The following FOXB1 variants were observed in gnomAD, a reference collection of about 807,000 sequenced individuals.
FOXB1 encodes the protein forkhead box B1, also known as forkhead box protein B1.
Under a neutral mutation model 18.6 loss-of-function variants are expected in FOXB1, and 6 were observed. The observed-to-expected ratio is 0.32, with a 90% CI of 0.18 to 0.64. The LOEUF (loss-of-function observed/expected upper bound fraction) is 0.64, where lower values mean the gene tolerates loss of function less well. FOXB1 is among the 30% of genes least tolerant of loss of function. FOXB1 has a pLI of 0.78. For synonymous variants in FOXB1, 213 were observed against 216.0 expected (o/e 0.99, Z 0.12); for missense variants, 419 against 463.6 (o/e 0.90, Z 0.88).
intron 1 of FOXB1, 105 bp from the exon 2 acceptor site, chr15:60,004,802 C>CGGGGGGGGGGGGG: frequency 5.9e-6 from 2 of 337,666 alleles, no homozygotes; most frequent in Non-Finnish European, 1.1e-5. Context: ...TCGAGCGCCG[C>CGGGGGGGGGGGGG]AGGCCCCACC....
In FOXB1 at chr15:60,005,054, G is replaced by A. The variant is rs1177804890; in HGVS notation, c.91G>A (p.Glu31Lys). The A allele has an allele frequency of 1.2e-6, 2 of 1,606,680 alleles. No homozygotes were observed. The highest frequency in any genetic ancestry group is 1.7e-6 in the Non-Finnish European group (2 of 1,177,054). The change falls in exon 2 of 2, where the codon GAG (glutamate) becomes AAG (lysine). Residue 31 changes from glutamate to lysine, a missense_variant. Transcript: ENST00000396057. The surrounding 1 kb of genome is among the most constrained non-coding windows in gnomAD (Gnocchi z 9.8). ...LTAMAIQSSP[E>K]KMLPLSEIYK... ...CGCTATGGCCATCCAGAGCTCTCCC[G>A]AGAAGATGCTGCCGCTGAGCGAGAT...
Position 60,006,096 on chromosome 15 carries a change from G to T in FOXB1, c.*155G>T. ...CCTTGCCCCAAGAGAACTTTGTTTTGGACCCAGGAGACCAAACACAAACTT... is the reference window on the plus strand; with the variant it reads ...CCTTGCCCCAAGAGAACTTTGTTTTTGACCCAGGAGACCAAACACAAACTT... On this transcript the variant is annotated 3_prime_UTR_variant, in exon 2 of 2. Coordinates refer to ENST00000396057, the MANE Select transcript of FOXB1 (RefSeq NM_012182.3). 1 of 984,662 alleles carries T rather than the reference G, an allele frequency of 1.0e-6. No individual in the cohort carries two copies. The highest frequency in any genetic ancestry group is 1.8e-5 in the South Asian group (1 of 56,826). 61.0% of individuals were successfully genotyped at this position (984,662 alleles called of 1,614,324 possible). A position where few individuals can be genotyped will look rare whatever the true frequency, so the allele number is the denominator to read the frequency against.
rs775466207 is a variant in FOXB1, at chr15:60,005,029, C to T, written c.66C>T (p.Thr22=). ...CGCCCTACTCGTACATCTCGCTGAC[C>T]GCTATGGCCATCCAGAGCTCTCCCG... ...QKPPYSYISL[T]AMAIQSSPEK... Residue 22 remains threonine, a synonymous_variant, in exon 2 of 2, where the codon ACC becomes ACT. Transcript: ENST00000396057. The surrounding 1 kb of genome is among the most constrained non-coding windows in gnomAD (Gnocchi z 9.8). 10 of 1,614,010 alleles carry T rather than the reference C, an allele frequency of 6.2e-6. No individual in the cohort carries two copies. The highest frequency in any genetic ancestry group is 5.3e-5 in the African/African-American group (4 of 74,912).
Position 60,005,728 on chromosome 15 carries a change from G to A in FOXB1, c.765G>A (p.Thr255=), listed in dbSNP as rs754672629. ...LKPLCHAAGQ[T]LPAIPVPIKP... ...CGCTGTGCCACGCGGCGGGCCAAAC[G>A]CTGCCCGCCATCCCCGTGCCCATTA... The change falls in exon 2 of 2, where the codon ACG becomes ACA. Residue 255 remains threonine, a synonymous_variant. Coordinates refer to ENST00000396057, the MANE Select transcript of FOXB1 (RefSeq NM_012182.3). The surrounding 1 kb of genome is among the most constrained non-coding windows in gnomAD (Gnocchi z 9.8). 6.2e-7 allele frequency: 1 copy of A among 1,602,314 alleles called. No individual in the cohort carries two copies. Among genetic ancestry groups the A allele is most frequent in the South Asian group, 1.1e-5 (1 of 90,626 alleles).
Position 60,005,787 on chromosome 15 carries a change from C to T in FOXB1, c.824C>T (p.Ala275Val). 6.2e-7 allele frequency: 1 copy of T among 1,603,664 alleles called. No homozygotes were observed. The change falls in exon 2 of 2, where the codon GCG (alanine) becomes GTG (valine). Residue 275 changes from alanine to valine, a missense_variant. Ala to Val is a moderately conservative substitution (Grantham distance 64, BLOSUM62 0). Transcript: ENST00000396057. The surrounding 1 kb of genome is among the most constrained non-coding windows in gnomAD (Gnocchi z 9.8). The stretch of plus-strand genomic sequence containing the variant: ...CCGGCCGCCGTGCCCGCGCTGCCTG[C>T]GCTGCCAGCGCCCATCCCCACCTTG... ...PTPAAVPALP[A>V]LPAPIPTLLS...
chr15:60,004,884 C>T (rs1892071787), intron 1 of FOXB1, 23 bp from the exon 2 acceptor site: 16 of 1,450,790 alleles, frequency 1.1e-5, no homozygotes, highest in East Asian at 5.0e-5. Context: ...GCTACCTTTC[C>T]CTATTACCCA....
chr15:60,004,810 AC>A (rs1892070717), intron 1 of FOXB1, 96 bp from the exon 2 acceptor site: 4 of 155,352 alleles, frequency 2.6e-5, no homozygotes, highest in Non-Finnish European at 5.0e-5. Flanking sequence ...CGCAGGCCCC[AC>A]CCCCGACCCC....
rs1481081189 is a variant in FOXB1, at chr15:60,006,568, T to C, written c.*627T>C. ...CTAGGCTTCTGCGGAGATTTTGTTG[T>C]TGTTTGGGGTTTTGTTTCCTTCCAG... On this transcript the variant is annotated 3_prime_UTR_variant, in exon 2 of 2. Transcript: ENST00000396057. 6.6e-6 allele frequency: 1 copy of C among 152,208 alleles called. No homozygotes were observed. The highest frequency in any genetic ancestry group is 2.4e-5 in the African/African-American group (1 of 41,446). 9.4% of individuals were successfully genotyped at this position (152,208 alleles called of 1,614,324 possible). A position where few individuals can be genotyped will look rare whatever the true frequency, so the allele number is the denominator to read the frequency against.
Position 60,005,331 on chromosome 15 carries a change from C to G in FOXB1, c.368C>G (p.Ala123Gly), listed in dbSNP as rs1892079658. Residue 123 changes from alanine (A) to glycine (G), a missense_variant, in exon 2 of 2, where the codon GCC becomes GGC. Physicochemically the swap from Ala to Gly is moderately conservative, Grantham distance 60. Coordinates refer to ENST00000396057, the MANE Select transcript of FOXB1 (RefSeq NM_012182.3). This position sits in a 1 kb window ranked among gnomAD's most constrained non-coding sequence, Gnocchi z 9.8. ...KSDHLAPSKP[A>G]DAAQYLQQQA... ...GACCACCTGGCGCCCAGCAAGCCAG[C>G]CGACGCGGCGCAGTACCTGCAGCAG... 1.2e-6 allele frequency: 2 copies of G among 1,610,528 alleles called. No individual in the cohort carries two copies. The highest frequency in any genetic ancestry group is 1.3e-5 in the African/African-American group (1 of 74,920).
In FOXB1 at chr15:60,004,879, CT is replaced by C. The variant is rs1892071710; in HGVS notation, c.-57-25del. 80 of 1,414,948 alleles carry C rather than the reference CT, an allele frequency of 5.7e-5. 1 individual carries two copies. In the South Asian group the frequency reaches 1.0e-3, roughly 18 times the overall value. The allele number at this position is 1,414,948 out of a possible 1,614,324, so 87.6% of individuals were successfully genotyped here. ...CGGTGTCTCTGTGCATCCATGCTAC[CT>C]TTCCCTATTACCCACCCCCTTCCCA... On this transcript the variant is annotated intron_variant, in intron 1 of 1. Transcript: ENST00000396057.
At position 60,005,469 on chromosome 15, in the gene FOXB1, C is replaced by T. The variant is rs200474541; in HGVS notation, c.506C>T (p.Pro169Leu). ...GCGCAGCCCTCGGGCTTCAAGCACC[C>T]CTTCGCCATCGAGAACATCATCGCG... is the stretch of plus-strand genomic sequence containing the variant. The part of the protein sequence containing the change: ...GVAQPSGFKH[P>L]FAIENIIARE... The change falls in exon 2 of 2, where the codon CCC (proline) becomes CTC (leucine). Residue 169 changes from proline (P) to leucine (L), a missense_variant. Coordinates refer to ENST00000396057, the MANE Select transcript of FOXB1 (RefSeq NM_012182.3). This position sits in a 1 kb window ranked among gnomAD's most constrained non-coding sequence, Gnocchi z 9.8. 6.2e-7 allele frequency: 1 copy of T among 1,611,948 alleles called. No homozygotes were observed. The highest frequency in any genetic ancestry group is 2.2e-5 in the East Asian group (1 of 44,848).
At position 60,006,624 on chromosome 15, in the gene FOXB1, G is replaced by C. The variant is rs548466238; in HGVS notation, c.*683G>C. The C allele has an allele frequency of 6.6e-6, 1 of 152,160 alleles. No individual in the cohort carries two copies. Among genetic ancestry groups the C allele is most frequent in the East Asian group, 1.9e-4 (1 of 5,156 alleles). 9.4% of individuals were successfully genotyped at this position (152,160 alleles called of 1,614,324 possible). A position where few individuals can be genotyped will look rare whatever the true frequency, so the allele number is the denominator to read the frequency against. On this transcript the variant is annotated 3_prime_UTR_variant, in exon 2 of 2. Coordinates refer to ENST00000396057, the MANE Select transcript of FOXB1 (RefSeq NM_012182.3). ...CCAGGCGCTGGGAGTTAGGAAAGAG[G>C]CTGCCAAGCTGAGAAAGCGACGCTC...
Position 60,004,994 on chromosome 15 carries a change from G to T in FOXB1, c.31G>T (p.Asp11Tyr). 2.5e-6 allele frequency: 4 copies of T among 1,613,676 alleles called. No individual in the cohort carries two copies. The highest frequency in any genetic ancestry group is 3.4e-6 in the Non-Finnish European group (4 of 1,179,822). The change falls in exon 2 of 2, where the codon GAC (aspartate) becomes TAC (tyrosine). Residue 11 changes from aspartate (D) to tyrosine (Y), a missense_variant. Asp to Tyr is a radical substitution (Grantham distance 160). This residue lies in a region of FOXB1 where 153 missense variants were observed against 173.8 expected (regional missense o/e 0.88). Coordinates refer to ENST00000396057, the MANE Select transcript of FOXB1 (RefSeq NM_012182.3). MPRPGRNTYS[D>Y]QKPPYSYISL... ...TCGGCCCGGCCGCAACACGTACAGCGACCAGAAGCCGCCCTACTCGTACAT... is the reference window on the plus strand; with the variant it reads ...TCGGCCCGGCCGCAACACGTACAGCTACCAGAAGCCGCCCTACTCGTACAT...
chr15:60,004,844 C>G, intron 1 of FOXB1, 63 bp from the exon 2 acceptor site: 1 of 546,114 alleles, frequency 1.8e-6, no homozygotes, highest in Non-Finnish European at 2.7e-6. Flanking sequence ...CTCGGTCTGG[C>G]TGACCCCGCC....
In FOXB1 at chr15:60,005,258, A is replaced by G. The variant is rs1470128329; in HGVS notation, c.295A>G (p.Asn99Asp). Reference sequence around the variant, plus strand: ...CCCAAGCTGCGGGGACATGTTCGAGAACGGCAGCTTCCTGCGGCGCCGCAA... The same window carrying G: ...CCCAAGCTGCGGGGACATGTTCGAGGACGGCAGCTTCCTGCGGCGCCGCAA... ...LHPSCGDMFE[N>D]GSFLRRRKRF... Residue 99 changes from asparagine to aspartate, a missense_variant, in exon 2 of 2, where the codon AAC (asparagine) becomes GAC (aspartate). Coordinates refer to ENST00000396057, the MANE Select transcript of FOXB1 (RefSeq NM_012182.3). The surrounding 1 kb of genome is among the most constrained non-coding windows in gnomAD (Gnocchi z 9.8). 6.2e-7 allele frequency: 1 copy of G among 1,613,974 alleles called. No individual in the cohort carries two copies. The highest frequency in any genetic ancestry group is 1.1e-5 in the South Asian group (1 of 91,062).
Position 60,005,410 on chromosome 15 carries a change from G to C in FOXB1, c.447G>C (p.Gln149His). ...ALAASGTHLP[Q>H]MPAAAYNLGG... ...CGGCCTCGGGCACGCACCTGCCACA[G>C]ATGCCCGCCGCCGCCTACAACTTGG... Residue 149 changes from glutamine to histidine, a missense_variant, in exon 2 of 2, where the codon CAG becomes CAC. Gln to His is a conservative substitution (Grantham distance 24, BLOSUM62 0). Transcript: ENST00000396057. The surrounding 1 kb of genome is among the most constrained non-coding windows in gnomAD (Gnocchi z 9.8). The C allele has an allele frequency of 6.2e-7, 1 of 1,607,170 alleles. No individual in the cohort carries two copies. The highest frequency in any genetic ancestry group is 8.5e-7 in the Non-Finnish European group (1 of 1,177,712).
At position 60,005,823 on chromosome 15, in the gene FOXB1, C is replaced by T; in HGVS notation, c.860C>T (p.Ser287Leu). The T allele has an allele frequency of 6.2e-7, 1 of 1,605,232 alleles. No individual in the cohort carries two copies. Among genetic ancestry groups the T allele is most frequent in the Non-Finnish European group, 8.5e-7 (1 of 1,177,016 alleles). Residue 287 changes from serine to leucine, a missense_variant, in exon 2 of 2, where the codon TCG (serine) becomes TTG (leucine). Ser to Leu is a moderately radical substitution (Grantham distance 145). Around this residue, in one of 3 missense-constraint regions of FOXB1, gnomAD observed 195 missense variants for 179.8 expected, o/e 1.08. Transcript: ENST00000396057. The surrounding 1 kb of genome is among the most constrained non-coding windows in gnomAD (Gnocchi z 9.8). ...PAPIPTLLSN[S>L]PPSLSPTSSQ... ...CCCATCCCCACCTTGCTCTCGAACT[C>T]GCCGCCCTCGCTCAGCCCCACGTCC...
chr15:60,005,127 A>C lies in FOXB1; in HGVS notation c.164A>C (p.Gln55Pro). Residue 55 changes from glutamine to proline, a missense_variant, in exon 2 of 2, where the codon CAG (glutamine) becomes CCG (proline). Gln to Pro is a moderately conservative substitution (Grantham distance 76). Transcript: ENST00000396057. This position sits in a 1 kb window ranked among gnomAD's most constrained non-coding sequence, Gnocchi z 9.8. ...TTCCCCTACTACAGGGAGAACACGC[A>C]GCGCTGGCAGAACAGTCTGCGCCAC... ...DRFPYYRENTQRWQNSLRHNL... is the reference protein window; with the variant it reads ...DRFPYYRENTPRWQNSLRHNL... 6.2e-7 allele frequency: 1 copy of C among 1,614,204 alleles called. No homozygotes were observed. The highest frequency in any genetic ancestry group is 2.2e-5 in the East Asian group (1 of 44,884).
At position 60,007,360 on chromosome 15, in the gene FOXB1, C is replaced by A. The variant is rs1892112120; in HGVS notation, c.*1419C>A. 1 of 151,542 alleles carries A rather than the reference C, an allele frequency of 6.6e-6. No individual in the cohort carries two copies. The highest frequency in any genetic ancestry group is 2.4e-5 in the African/African-American group (1 of 41,224). 9.4% of individuals were successfully genotyped at this position (151,542 alleles called of 1,614,324 possible). A position where few individuals can be genotyped will look rare whatever the true frequency, so the allele number is the denominator to read the frequency against. On this transcript the variant is annotated 3_prime_UTR_variant, in exon 2 of 2. Transcript: ENST00000396057. ...TGTTCCCAGCATGCCTGTTTTAAAA[C>A]AAAGGATTTAAAAAAAAAGGGTGTC...
Sources: gnomAD v4.1 joint callset for allele counts on GRCh38, gnomAD v4.1.1 for gene constraint, gnomAD v4.1.1 regional missense constraint, Gnocchi (gnomAD v3.1) non-coding constraint, MANE v1.5 for transcripts, NCBI Gene and HGNC (gene_info 2026-07-23, HGNC 2026-07-21) for gene names.